EGFLAM: variants seen among roughly 807,000 people sequenced by gnomAD.
The protein encoded by EGFLAM is pikachurin.
In EGFLAM, 79 loss-of-function variants were observed where a neutral mutation model predicts 113.1. That is an observed-to-expected ratio of 0.70 (90% CI 0.58 to 0.84). The LOEUF (loss-of-function observed/expected upper bound fraction) is 0.84. Ranked by LOEUF, EGFLAM falls within the 40% of genes least tolerant of loss-of-function variation. The pLI is 0.00. For synonymous variants in EGFLAM, 504 were observed against 487.6 expected (o/e 1.03, Z -0.44); for missense variants, 1,265 against 1,291.6 (o/e 0.98, Z 0.32).
At chr5:38,270,402 C>T (rs952263247) in intron 1 of EGFLAM, among the ~76,000 whole-genome samples, 15 of 151,822 alleles carry the variant, frequency 9.9e-5, no homozygotes, top group Non-Finnish European at 1.5e-5. Context: ...TTTATCATTC[C>T]AGTCTCAGGA....
At chr5:38,338,457 T>C (rs1739241977) in intron 2 of EGFLAM, among the ~76,000 whole-genome samples, 2 of 152,206 alleles carry the variant, frequency 1.3e-5, no homozygotes, top group East Asian at 1.9e-4. Context: ...ACACGAGCCA[T>C]GTGCAGACCT....
At chr5:38,450,202 A>G (rs996513793) in intron 18 of EGFLAM, among the ~76,000 whole-genome samples, 1 of 152,210 alleles carries the variant, frequency 6.6e-6, no homozygotes, top group Non-Finnish European at 1.5e-5. Flanking sequence ...ACCAATCAAT[A>G]TACCCAAGGC....
At chr5:38,329,754 A>C (rs1159615254) in intron 1 of EGFLAM, among the ~76,000 whole-genome samples, 4 of 152,086 alleles carry the variant, frequency 2.6e-5, no homozygotes. Context: ...GGTCTATTGC[A>C]CAGAGCCTGG....
At chr5:38,445,571 A>T in intron 17 of EGFLAM, 1 of 1,595,572 alleles carries the variant, frequency 6.3e-7, no homozygotes, top group Non-Finnish European at 8.5e-7. Flanking sequence ...GAGCTTTGTG[A>T]GAGAAACAAG....
At position 38,412,490 on chromosome 5, in the gene EGFLAM, T is replaced by G; in HGVS notation, c.1350-14T>G. 6.2e-7 allele frequency: 1 copy of G among 1,614,082 alleles called. No individual in the cohort carries two copies. Among genetic ancestry groups the G allele is most frequent in the Non-Finnish European group, 8.5e-7 (1 of 1,180,000 alleles). ...TTCGTCAAGAAATCTTCTTTTCCTT[T>G]TCCTCCCCAACAGGTTTAATTGTGG... On this transcript the variant is annotated splice_polypyrimidine_tract_variant and intron_variant, in intron 10 of 21. Coordinates refer to ENST00000322350, the MANE Select transcript of EGFLAM (RefSeq NM_152403.4).
chr5:38,406,260 C>T lies in EGFLAM; in HGVS notation c.828+19C>T. On this transcript the variant is annotated intron_variant, in intron 7 of 21. Transcript: ENST00000322350. ...TGAGGAGGTAACAATAATCTCTGCT[C>T]TTAAAACCCAGGGTGTTTGTGTTTT... is the stretch of plus-strand genomic sequence containing the variant. The T allele has an allele frequency of 1.2e-6, 2 of 1,604,028 alleles. No individual in the cohort carries two copies. Among genetic ancestry groups the T allele is most frequent in the Non-Finnish European group, 1.7e-6 (2 of 1,171,360 alleles).
intron 3 of EGFLAM, among the ~76,000 whole-genome samples, chr5:38,346,243 C>T (rs1380816246): frequency 1.3e-5 from 2 of 152,242 alleles, no homozygotes; most frequent in Non-Finnish European, 2.9e-5. Flanking sequence ...ATTTCTAATA[C>T]GTTAACTTCC....
chr5:38,459,207 G>A (rs890183546), intron 20 of EGFLAM, among the ~76,000 whole-genome samples: 2 of 151,890 alleles, frequency 1.3e-5, no homozygotes, highest in African/African-American at 4.8e-5. Flanking sequence ...GCCTTGCTAT[G>A]TTGCCAGGGC....
At chr5:38,294,605 A>G (rs1183620832) in intron 1 of EGFLAM, among the ~76,000 whole-genome samples, 2 of 152,122 alleles carry the variant, frequency 1.3e-5, no homozygotes, top group African/African-American at 2.4e-5. Context: ...CTGAAATGAC[A>G]TTGCAGATGA....
intron 11 of EGFLAM, among the ~76,000 whole-genome samples, chr5:38,415,647 G>A (rs1741617650): frequency 6.6e-6 from 1 of 152,180 alleles, no homozygotes; most frequent in African/African-American, 2.4e-5. Flanking sequence ...GAATAGCCCT[G>A]CACTTCAGCC....
intron 1 of EGFLAM, among the ~76,000 whole-genome samples, chr5:38,302,273 A>T (rs1327990733): frequency 6.6e-6 from 1 of 151,664 alleles, no homozygotes; most frequent in African/African-American, 2.4e-5. Flanking sequence ...AATCACATGT[A>T]TAGATTTTGT....
At chr5:38,282,462 C>T (rs901309150) in intron 1 of EGFLAM, 2 of 152,110 alleles carry the variant, frequency 1.3e-5, no homozygotes, top group African/African-American at 2.4e-5. Context: ...GCTTGGGTAT[C>T]GTTATCAATG....
intron 1 of EGFLAM, among the ~76,000 whole-genome samples, chr5:38,320,970 G>C (rs1006187890): frequency 6.6e-6 from 1 of 152,160 alleles, no homozygotes; most frequent in East Asian, 1.9e-4. Context: ...ACCAGGGGCT[G>C]GTTTCCTGGA....
At chr5:38,397,159 A>G (rs1740982952) in intron 6 of EGFLAM, among the ~76,000 whole-genome samples, 1 of 152,222 alleles carries the variant, frequency 6.6e-6, no homozygotes, top group Non-Finnish European at 1.5e-5. Flanking sequence ...AAACGTGCTG[A>G]GCATAAAAGA....
chr5:38,366,405 C>G (rs997380127), intron 5 of EGFLAM, among the ~76,000 whole-genome samples: 4 of 152,226 alleles, frequency 2.6e-5, no homozygotes, highest in Admixed American at 2.6e-4. Context: ...AGGTTATAAA[C>G]TCCCTGAAAA....
chr5:38,322,038 C>CT (rs1183807472), intron 1 of EGFLAM, among the ~76,000 whole-genome samples: 1 of 152,196 alleles, frequency 6.6e-6, no homozygotes, highest in Non-Finnish European at 1.5e-5. Context: ...GAGGAGGCAA[C>CT]TTCTATTTCT....
chr5:38,417,760 T>C (rs1453629041), intron 11 of EGFLAM, among the ~76,000 whole-genome samples: 1 of 152,174 alleles, frequency 6.6e-6, no homozygotes, highest in Non-Finnish European at 1.5e-5. Context: ...AACGTTTTTG[T>C]TGGATGCCTA....
chr5:38,375,869 T>C (rs1171315800), intron 6 of EGFLAM, among the ~76,000 whole-genome samples: 1 of 152,168 alleles, frequency 6.6e-6, no homozygotes, highest in Admixed American at 6.5e-5. Flanking sequence ...AAAATGACTT[T>C]AGTGTCTAGG....
At chr5:38,390,908 C>A (rs1017496581) in intron 6 of EGFLAM, among the ~76,000 whole-genome samples, 1 of 151,854 alleles carries the variant, frequency 6.6e-6, no homozygotes, top group Non-Finnish European at 1.5e-5. Flanking sequence ...TAATCCTTAG[C>A]CAATCATGTG....
Sources: allele counts gnomAD v4.1 joint callset (sites outside exome capture counted in the v4.1 genomes callset), GRCh38; gene constraint gnomAD v4.1.1; transcripts MANE v1.5; gene names NCBI Gene and HGNC (gene_info 2026-07-23, HGNC 2026-07-21).